Variants in ATP1A4 observed in about 807,000 individuals in gnomAD.
ATP1A4 encodes the protein sodium/potassium-transporting ATPase subunit alpha-4.
ATP1A4 carries 90 observed loss-of-function variants against 114.3 expected under a neutral mutation model. The observed-to-expected ratio is 0.79, with a 90% CI of 0.66 to 0.94. The LOEUF is 0.94. Ranked by LOEUF, ATP1A4 falls within the 40% of genes least tolerant of loss-of-function variation. The pLI, the probability that ATP1A4 is intolerant of heterozygous loss-of-function variation, is 0.00. For missense variants in ATP1A4, 1,222 were observed against 1,313.6 expected, an observed-to-expected ratio of 0.93 and a Z score of 1.08; for synonymous variants, 511 against 494.1, an observed-to-expected ratio of 1.03 and a Z score of -0.45.
chr1:160,180,929 T>G (rs1208306844), intron 18 of ATP1A4, among the ~76,000 whole-genome samples: 1 of 151,930 alleles, frequency 6.6e-6, no homozygotes, highest in African/African-American at 2.4e-5. Flanking sequence ...TTAGCCAGGA[T>G]GGTCTTGATC....
chr1:160,176,240 T>C lies in ATP1A4; in HGVS notation c.2460T>C (p.Thr820=), dbSNP rs1653459674. 4 of 1,614,164 alleles carry C rather than the reference T, an allele frequency of 2.5e-6. No individual in the cohort carries two copies. The highest frequency in any genetic ancestry group is 3.4e-6 in the Non-Finnish European group (4 of 1,180,026). Residue 820 remains threonine (T), a synonymous_variant, in exon 16 of 22, where the codon ACT becomes ACC. Transcript: ENST00000368081. ...CCATCCTCTGCATTGATCTCGGCACTGACATGGTAAGGGCCAAGCTGGTGA... is the reference window on the plus strand; with the variant it reads ...CCATCCTCTGCATTGATCTCGGCACCGACATGGTAAGGGCCAAGCTGGTGA... The part of the protein sequence containing the change: ...TITILCIDLG[T]DMVPAISLAY...
chr1:160,166,393 AAG>A, intron 7 of ATP1A4, 133 bp from the exon 8 acceptor site: 1 of 1,152,314 alleles, frequency 8.7e-7, no homozygotes, highest in Non-Finnish European at 1.2e-6. Context: ...GAAATGTGTA[AAG>A]AGTAGGTGGG....
chr1:160,156,132 G>A lies in ATP1A4; in HGVS notation c.499G>A (p.Glu167Lys), dbSNP rs751383985. The change falls in exon 4 of 22, where the codon GAG becomes AAG. Residue 167 changes from glutamate to lysine, a missense_variant. Glu to Lys is a moderately conservative substitution (Grantham distance 56, BLOSUM62 1). Coordinates refer to ENST00000368081, the MANE Select transcript of ATP1A4 (RefSeq NM_144699.4). ...YQEAKSSKIM[E>K]SFKNMVPQQA... Reference sequence around the variant, plus strand: ...GGAGGCCAAGAGCTCCAAGATCATGGAGTCTTTTAAGAACATGGTGCCTCA... The same window carrying A: ...GGAGGCCAAGAGCTCCAAGATCATGAAGTCTTTTAAGAACATGGTGCCTCA... 6.2e-6 allele frequency: 10 copies of A among 1,613,670 alleles called. No individual in the cohort carries two copies. The highest frequency in any genetic ancestry group is 1.7e-5 in the Admixed American group (1 of 59,998).
chr1:160,177,384 A>T (rs1369533135), intron 17 of ATP1A4, 135 bp from the exon 18 acceptor site: 6 of 837,664 alleles, frequency 7.2e-6, no homozygotes, highest in Non-Finnish European at 1.1e-5. Flanking sequence ...TGATGGCAAG[A>T]TTCTTCCGCA....
chr1:160,164,172 T>A lies in ATP1A4; in HGVS notation c.795T>A (p.Ile265=). ...CATCCACAGGAACCGCCCGGGGTAT[T>A]GTGATTGCTACGGGAGACTCCACAG... ...TNCVEGTARG[I]VIATGDSTVM... is the part of the protein sequence containing the mutation. Residue 265 remains isoleucine (I), a synonymous_variant, in exon 7 of 22, where the codon ATT becomes ATA. Coordinates refer to ENST00000368081, the MANE Select transcript of ATP1A4 (RefSeq NM_144699.4). 6.2e-7 allele frequency: 1 copy of A among 1,614,156 alleles called. No individual in the cohort carries two copies. Among genetic ancestry groups the A allele is most frequent in the Non-Finnish European group, 8.5e-7 (1 of 1,179,998 alleles).
In ATP1A4 at chr1:160,152,057, A is replaced by G. The variant is rs1652474011; in HGVS notation, c.17A>G (p.Lys6Arg). MGLWG[K>R]KGTVAPHDQS... ...GGGATAGCTATGGGGCTTTGGGGGA[A>G]GAAAGGGACAGTGGCTCCCCATGAC... The change falls in exon 1 of 22, where the codon AAG becomes AGG. Residue 6 changes from lysine to arginine, a missense_variant. Lys to Arg is a conservative substitution (Grantham distance 26). Coordinates refer to ENST00000368081, the MANE Select transcript of ATP1A4 (RefSeq NM_144699.4). 1 of 1,613,482 alleles carries G rather than the reference A, an allele frequency of 6.2e-7. No homozygotes were observed. The highest frequency in any genetic ancestry group is 8.5e-7 in the Non-Finnish European group (1 of 1,179,798).
At chr1:160,165,672 A>AGAAT (rs1042575408) in intron 7 of ATP1A4, among the ~76,000 whole-genome samples, 1 of 152,164 alleles carries the variant, frequency 6.6e-6, no homozygotes, top group African/African-American at 2.4e-5. Flanking sequence ...ATGAGGCAGG[A>AGAAT]GAATGGCTTG....
Position 160,186,376 on chromosome 1 carries a change from C to T in ATP1A4, c.3061+9C>T. 4 of 1,602,264 alleles carry T rather than the reference C, an allele frequency of 2.5e-6. No homozygotes were observed. The highest frequency in any genetic ancestry group is 1.3e-5 in the African/African-American group (1 of 74,796). ...CCGTCAGCACCCGGATGGTGAGGCT[C>T]CCCTGGGCCCCGCTCTGACTGAGTG... On this transcript the variant is annotated intron_variant, in intron 21 of 21. Transcript: ENST00000368081.
At chr1:160,169,323 G>A (rs1206890225) in intron 10 of ATP1A4, among the ~76,000 whole-genome samples, 4 of 152,248 alleles carry the variant, frequency 2.6e-5, no homozygotes, top group South Asian at 2.1e-4. Context: ...TTCTCCCTCC[G>A]TCTCTTTTAT....
At chr1:160,180,497 T>C (rs1236599656) in intron 18 of ATP1A4, among the ~76,000 whole-genome samples, 2 of 152,136 alleles carry the variant, frequency 1.3e-5, no homozygotes, top group Non-Finnish European at 2.9e-5. Flanking sequence ...TGCGCTGACA[T>C]GGTTAGCATA....
In ATP1A4 at chr1:160,176,158, T is replaced by A. The variant is rs750256709; in HGVS notation, c.2378T>A (p.Ile793Asn). Residue 793 changes from isoleucine (I) to asparagine (N), a missense_variant, in exon 16 of 22, where the codon ATC becomes AAC. Ile to Asn is a moderately radical substitution (Grantham distance 149). Transcript: ENST00000368081. ...ACCCTGACCAGCAACATCCCCGAGATCACGCCCTTCCTGATGTTCATCATC... is the reference window on the plus strand; with the variant it reads ...ACCCTGACCAGCAACATCCCCGAGAACACGCCCTTCCTGATGTTCATCATC... ...MYTLTSNIPE[I>N]TPFLMFIILG... 1 of 1,613,940 alleles carries A rather than the reference T, an allele frequency of 6.2e-7. No individual in the cohort carries two copies. The highest frequency in any genetic ancestry group is 8.5e-7 in the Non-Finnish European group (1 of 1,180,002).
chr1:160,186,564 T>C lies in ATP1A4; in HGVS notation c.3062-107T>C, dbSNP rs1423887920. 4.5e-6 allele frequency: 6 copies of C among 1,347,836 alleles called. No individual in the cohort carries two copies. In the Admixed American group the frequency reaches 9.6e-5, roughly 22 times the overall value. The allele number at this position is 1,347,836 out of a possible 1,614,324, so 83.5% of individuals were successfully genotyped here. ...CCATCTGACCCTCAGTGCCCTGTGT[T>C]CCAGACCTCCCACCTCCAACCTTGT... On this transcript the variant is annotated intron_variant, in intron 21 of 21. Transcript: ENST00000368081.
At position 160,167,082 on chromosome 1, in the gene ATP1A4, C is replaced by T; in HGVS notation, c.1356+5C>T. ...GAGATCCTGCCCATTGCTAAGGTGT[C>T]AGGCCCAAGGGGAAGAGGGTACCTC... On this transcript the variant is annotated splice_donor_5th_base_variant and intron_variant, in intron 9 of 21. Coordinates refer to ENST00000368081, the MANE Select transcript of ATP1A4 (RefSeq NM_144699.4). 6.2e-7 allele frequency: 1 copy of T among 1,613,594 alleles called. No individual in the cohort carries two copies. Among genetic ancestry groups the T allele is most frequent in the Non-Finnish European group, 8.5e-7 (1 of 1,179,556 alleles).
chr1:160,177,631 G>A lies in ATP1A4; in HGVS notation c.2703G>A (p.Leu901=), dbSNP rs772204019. 1 of 1,614,204 alleles carries A rather than the reference G, an allele frequency of 6.2e-7. No individual in the cohort carries two copies. The highest frequency in any genetic ancestry group is 2.2e-5 in the East Asian group (1 of 44,884). Reference sequence around the variant, plus strand: ...GCCTCCACTGGGAAGATAAATACTTGAATGACCTGGAGGACAGCTACGGAC... The same window carrying A: ...GCCTCCACTGGGAAGATAAATACTTAAATGACCTGGAGGACAGCTACGGAC... ...GIRLHWEDKY[L]NDLEDSYGQQ... is the part of the protein sequence containing the mutation. Residue 901 remains leucine (L), a synonymous_variant, in exon 18 of 22, where the codon TTG becomes TTA. Coordinates refer to ENST00000368081, the MANE Select transcript of ATP1A4 (RefSeq NM_144699.4).
At position 160,166,514 on chromosome 1, in the gene ATP1A4, C is replaced by T. The variant is rs1264241461; in HGVS notation, c.1048-14C>T. ...ATCTCCCATGTGTATTCTCTCCTCT[C>T]TTCTTGGCTTTAGGTGTGCCTGACC... On this transcript the variant is annotated splice_polypyrimidine_tract_variant and intron_variant, in intron 7 of 21. Transcript: ENST00000368081. 6.2e-7 allele frequency: 1 copy of T among 1,614,130 alleles called. No homozygotes were observed. Among genetic ancestry groups the T allele is most frequent in the Non-Finnish European group, 8.5e-7 (1 of 1,179,958 alleles).
At chr1:160,184,194 G>C (rs1251727643) in intron 20 of ATP1A4, among the ~76,000 whole-genome samples, 1 of 151,922 alleles carries the variant, frequency 6.6e-6, no homozygotes, top group Non-Finnish European at 1.5e-5. Flanking sequence ...CTTGTGATCC[G>C]CCTGCCTCTG....
chr1:160,185,293 A>T (rs1445252919), intron 20 of ATP1A4, among the ~76,000 whole-genome samples: 1 of 151,942 alleles, frequency 6.6e-6, no homozygotes, highest in Admixed American at 6.6e-5. Context: ...TTGTATTTTT[A>T]GTAGAGACGG....
intron 20 of ATP1A4, among the ~76,000 whole-genome samples, chr1:160,184,142 G>A (rs1232397668): frequency 6.6e-6 from 1 of 151,966 alleles, no homozygotes; most frequent in Non-Finnish European, 1.5e-5. Context: ...TAGTAGAGAC[G>A]GGGTTTCTTC....
intron 6 of ATP1A4, 118 bp from the exon 7 acceptor site, chr1:160,164,038 G>A: frequency 7.8e-7 from 1 of 1,279,032 alleles, no homozygotes. Flanking sequence ...GATTCTCCTA[G>A]CACCCCTATC....
Sources: gnomAD v4.1 joint callset for allele counts (sites outside exome capture counted in the v4.1 genomes callset) on GRCh38, gnomAD v4.1.1 for gene constraint, MANE v1.5 for transcripts, NCBI Gene and HGNC (gene_info 2026-07-23, HGNC 2026-07-21) for gene names.